Variants in TSPAN16 observed in about 807,000 individuals in gnomAD.
TSPAN16 encodes tetraspanin 16.
In TSPAN16, 23 loss-of-function variants were observed where a neutral mutation model predicts 25.2. The observed-to-expected ratio is 0.91, with a 90% CI of 0.66 to 1.29. The LOEUF (loss-of-function observed/expected upper bound fraction) is 1.29. Ranked by LOEUF, TSPAN16 falls within the 50% of genes most tolerant of loss-of-function variation. TSPAN16 has a pLI of 0.00. For synonymous variants in TSPAN16, 123 were observed against 124.4 expected, an observed-to-expected ratio of 0.99 and a Z score of 0.08; for missense variants, 272 against 299.9, an observed-to-expected ratio of 0.91 and a Z score of 0.69.
At chr19:11,306,528 A>G in intron 4 of TSPAN16, 76 bp from the exon 5 acceptor site, 1 of 1,530,730 alleles carries the variant, frequency 6.5e-7, no homozygotes, top group Non-Finnish European at 9.0e-7. Context: ...ACTAGACGGT[A>G]GCCATGGTAA....
chr19:11,300,259 A>C (rs2080529691), intron 3 of TSPAN16, among the ~76,000 whole-genome samples: 1 of 152,172 alleles, frequency 6.6e-6, no homozygotes, highest in Non-Finnish European at 1.5e-5. Context: ...CCTGCAGGGG[A>C]CATGGCAAAT....
intron 4 of TSPAN16, 147 bp from the exon 5 acceptor site, chr19:11,306,456 TG>T: frequency 1.1e-6 from 1 of 946,990 alleles, no homozygotes; most frequent in Non-Finnish European, 1.6e-6. Context: ...GGGAGGGTTC[TG>T]GGCTGTGATG....
chr19:11,301,630 G>A (rs1003393701), intron 4 of TSPAN16, among the ~76,000 whole-genome samples: 25 of 148,022 alleles, frequency 1.7e-4, no homozygotes, highest in Non-Finnish European at 3.6e-4. Context: ...ACAGAGGGAG[G>A]CTCTGTTTAA....
chr19:11,302,604 TATATACATATGTATATAA>T (rs1329760211), intron 4 of TSPAN16, among the ~76,000 whole-genome samples: 2 of 146,166 alleles, frequency 1.4e-5, no homozygotes, highest in Admixed American at 1.4e-4. Flanking sequence ...CATATATATT[TATATACATATGTATATAA>T]ATATATATAT....
intron 2 of TSPAN16, among the ~76,000 whole-genome samples, 154 bp from the exon 3 acceptor site, chr19:11,298,718 C>G (rs111847192): frequency 1.3e-3 from 194 of 152,236 alleles, no homozygotes; most frequent in African/African-American, 3.8e-3. Flanking sequence ...AAGTGTTGAG[C>G]CACTGCTCCC....
intron 5 of TSPAN16, among the ~76,000 whole-genome samples, chr19:11,307,623 T>C (rs533641283): frequency 6.6e-6 from 1 of 151,700 alleles, no homozygotes; most frequent in Non-Finnish European, 1.5e-5. Flanking sequence ...AGATGAGGCC[T>C]TAGTATGTTG....
intron 6 of TSPAN16, among the ~76,000 whole-genome samples, chr19:11,321,772 AAG>A (rs1365740976): frequency 6.6e-6 from 1 of 152,156 alleles, no homozygotes. Flanking sequence ...CGAATGTTCT[AAG>A]CAGAGGAGGA....
intron 5 of TSPAN16, among the ~76,000 whole-genome samples, chr19:11,310,375 C>T (rs1000823381): frequency 6.6e-6 from 1 of 151,004 alleles, no homozygotes; most frequent in South Asian, 2.1e-4. Context: ...ATTAGCCGGG[C>T]GTGGTGGTGG....
intron 6 of TSPAN16, among the ~76,000 whole-genome samples, chr19:11,314,961 C>G (rs920420658): frequency 6.6e-6 from 1 of 152,122 alleles, no homozygotes; most frequent in South Asian, 2.1e-4. Context: ...ATGGGCCAGG[C>G]GCGGTAGTTC....
chr19:11,318,151 C>T (rs766657360), downstream of TSPAN16, among the ~76,000 whole-genome samples: 6 of 151,840 alleles, frequency 4.0e-5, no homozygotes, highest in South Asian at 2.1e-4. Flanking sequence ...CTCAGCCTCC[C>T]GAGTAGCTGG....
chr19:11,298,003 T>C, intron 1 of TSPAN16, 139 bp from the exon 2 acceptor site: 1 of 799,512 alleles, frequency 1.3e-6, no homozygotes, highest in Non-Finnish European at 2.0e-6. Context: ...ACCAAGCTGG[T>C]CTTGAACTCC....
At chr19:11,308,368 G>A (rs933114502) in intron 5 of TSPAN16, among the ~76,000 whole-genome samples, 12 of 152,058 alleles carry the variant, frequency 7.9e-5, no homozygotes, top group Admixed American at 1.3e-4. Context: ...GCGCAATCTC[G>A]ACTCACCGCA....
chr19:11,297,522 A>C (rs1157546609), intron 1 of TSPAN16, among the ~76,000 whole-genome samples: 2 of 97,220 alleles, frequency 2.1e-5, no homozygotes, highest in Non-Finnish European at 3.8e-5. Context: ...TTTGAGACGG[A>C]GTCTTGCTCT....
rs1006392307 is a variant in TSPAN16 at position 11,306,427 on chromosome 19, C to T, written c.451-177C>T. On this transcript the variant is annotated intron_variant, in intron 4 of 6. Transcript: ENST00000590327. ...CCAGGCTAGGAGTTCAGCTTTTACC[C>T]TGAGTGAGATGGGAGCCAGGGAGGG... 1.4e-5 allele frequency: 10 copies of T among 734,798 alleles called. No homozygotes were observed. The East Asian group carries it at 2.6e-4, about 19-fold the overall frequency. 45.5% of individuals were successfully genotyped at this position (734,798 alleles called of 1,614,324 possible).
At position 11,325,243 on chromosome 19, in the gene TSPAN16, C is replaced by T. The variant is rs111588110; in HGVS notation, c.688-1551C>T. ...TGCCTGAGGAACCTGGCAGCCACGG[C>T]GACATTGTGAAGGAATGAGCCATGC... On this transcript the variant is annotated intron_variant, in intron 6 of 6. Coordinates refer to the TSPAN16 transcript ENST00000316737. The T allele has an allele frequency of 3.9e-5, 23 of 593,996 alleles. 1 individual carries two copies. Among genetic ancestry groups the T allele is most frequent in the African/African-American group, 1.7e-4 (9 of 53,674 alleles). 36.8% of individuals were successfully genotyped at this position (593,996 alleles called of 1,614,324 possible).
intron 4 of TSPAN16, among the ~76,000 whole-genome samples, chr19:11,305,716 T>C (rs2080619016): frequency 6.6e-6 from 1 of 151,082 alleles, no homozygotes; most frequent in African/African-American, 2.4e-5. Flanking sequence ...AGATAAAAAA[T>C]GTAGCCAGGC....
chr19:11,320,558 A>G (rs562894443), downstream of TSPAN16, among the ~76,000 whole-genome samples: 1 of 152,094 alleles, frequency 6.6e-6, no homozygotes, highest in African/African-American at 2.4e-5. Flanking sequence ...TTGTAGTTCC[A>G]GAAACTCAGG....
chr19:11,298,983 A>G (rs1253147693), intron 3 of TSPAN16, 37 bp downstream of exon 3: 1 of 1,605,070 alleles, frequency 6.2e-7, no homozygotes, highest in African/African-American at 1.3e-5. Flanking sequence ...TAGCATTAGA[A>G]AGATAAAGAA....
At chr19:11,300,580 A>G (rs1214011852) in intron 3 of TSPAN16, among the ~76,000 whole-genome samples, 2 of 152,130 alleles carry the variant, frequency 1.3e-5, no homozygotes, top group African/African-American at 4.8e-5. Flanking sequence ...TGCAGCATAA[A>G]CCAAAGAGGA....
Sources: allele counts gnomAD v4.1 joint callset (sites outside exome capture counted in the v4.1 genomes callset), GRCh38; gene constraint gnomAD v4.1.1; transcripts MANE v1.5; gene names NCBI Gene and HGNC (gene_info 2026-07-23, HGNC 2026-07-21).